The following CACNA2D1 variants were observed in gnomAD, a reference collection of about 807,000 sequenced individuals.
CACNA2D1 encodes calcium voltage-gated channel auxiliary subunit alpha2delta 1.
CACNA2D1 carries 53 observed loss-of-function variants against 171.5 expected under a neutral mutation model. The ratio of observed to expected loss-of-function variants is 0.31; its 90% CI spans 0.25 to 0.39. The LOEUF is 0.39. Among genes scored for constraint, CACNA2D1 ranks in the 10% least tolerant of loss-of-function variants. The probability of loss-of-function intolerance (pLI) is 1.00; values close to 1 mark genes in which losing one functional copy is unlikely to be tolerated. For synonymous variants in CACNA2D1, 442 were observed against 443.1 expected (o/e 1.00, Z 0.03); for missense variants, 903 against 1,299.8 (o/e 0.69, Z 4.69).
chr7:82,291,859 T>C (rs1811680127), intron 3 of CACNA2D1, among the ~76,000 whole-genome samples: 1 of 151,812 alleles, frequency 6.6e-6, no homozygotes, highest in African/African-American at 2.4e-5. Context: ...CTTCCATTTT[T>C]AAATATAACA....
chr7:82,260,115 G>A (rs901884810), intron 3 of CACNA2D1, among the ~76,000 whole-genome samples: 2 of 152,070 alleles, frequency 1.3e-5, no homozygotes, highest in Non-Finnish European at 2.9e-5. Flanking sequence ...CCAGCTTCTT[G>A]GGAGGCTGAG....
intron 1 of CACNA2D1, among the ~76,000 whole-genome samples, chr7:82,429,926 C>T (rs1829529329): frequency 6.6e-6 from 1 of 152,136 alleles, no homozygotes; most frequent in African/African-American, 2.4e-5. Flanking sequence ...GTCTGCACAG[C>T]CTCCATTGTG....
intron 3 of CACNA2D1, among the ~76,000 whole-genome samples, chr7:82,241,750 T>C (rs1804323455): frequency 6.6e-6 from 1 of 152,266 alleles, no homozygotes; most frequent in East Asian, 1.9e-4. Flanking sequence ...CCCAGTCACA[T>C]ATATGTAATT....
At chr7:82,442,449 C>T (rs1422840647) in intron 1 of CACNA2D1, among the ~76,000 whole-genome samples, 1 of 152,080 alleles carries the variant, frequency 6.6e-6, no homozygotes, top group Non-Finnish European at 1.5e-5. Context: ...ATAGGCTATT[C>T]GGTGCATTAA....
intron 1 of CACNA2D1, among the ~76,000 whole-genome samples, chr7:82,438,659 G>A (rs770992271): frequency 1.3e-5 from 2 of 152,170 alleles, no homozygotes; most frequent in African/African-American, 4.8e-5. Flanking sequence ...TGAAAGCCTT[G>A]GGAACAGTCG....
chr7:82,374,280 C>A (rs898728337), intron 1 of CACNA2D1, among the ~76,000 whole-genome samples: 6 of 152,232 alleles, frequency 3.9e-5, no homozygotes, highest in African/African-American at 1.4e-4. Flanking sequence ...CCTCCTCCAA[C>A]TTGACACCTA....
At chr7:82,437,973 C>T (rs1830228511) in intron 1 of CACNA2D1, among the ~76,000 whole-genome samples, 1 of 152,102 alleles carries the variant, frequency 6.6e-6, no homozygotes, top group Non-Finnish European at 1.5e-5. Flanking sequence ...ATGTAAAGAA[C>T]TTTTAATAGG....
At chr7:82,004,373 G>A (rs1219908581) in intron 18 of CACNA2D1, among the ~76,000 whole-genome samples, 1 of 151,714 alleles carries the variant, frequency 6.6e-6, no homozygotes. Flanking sequence ...ATTATGTGAT[G>A]AATTTGATAT....
chr7:82,062,729 CTTTTTTTTTTT>C (rs71520797), intron 9 of CACNA2D1, among the ~76,000 whole-genome samples: 7 of 52,172 alleles, frequency 1.3e-4, no homozygotes, highest in Admixed American at 5.3e-4. Flanking sequence ...GGTATATCTC[CTTTTTTTTTTT>C]TTTTTTTTTT....
intron 6 of CACNA2D1, among the ~76,000 whole-genome samples, chr7:82,104,691 A>G (rs1813100610): frequency 6.6e-6 from 1 of 152,048 alleles, no homozygotes; most frequent in African/African-American, 2.4e-5. Flanking sequence ...GGAATCTTCA[A>G]AAGCAACCCA....
At position 82,239,905 on chromosome 7, in the gene CACNA2D1, C is replaced by T. The variant is rs554510606; in HGVS notation, c.295-69296G>A. Among the ~76,000 whole-genome samples, 13 of 152,230 alleles carry T rather than the reference C, an allele frequency of 8.5e-5. No homozygotes were observed. The South Asian group carries it at 2.5e-3, about 29-fold the overall frequency. ...ATGGGACTCGTTTTCAGGTTTTCTA[C>T]ACATTTATGAGATCTCAGCTTATAA... is the stretch of plus-strand genomic sequence containing the variant. On this transcript the variant is annotated intron_variant, in intron 3 of 38. Coordinates refer to ENST00000356860, the MANE Select transcript of CACNA2D1 (RefSeq NM_000722.4).
intron 3 of CACNA2D1, among the ~76,000 whole-genome samples, chr7:82,262,882 C>T (rs539918769): frequency 1.9e-3 from 288 of 152,144 alleles, no homozygotes; most frequent in African/African-American, 6.2e-3. Flanking sequence ...TGCTCCATAC[C>T]CAGGAGTAAG....
intron 10 of CACNA2D1, among the ~76,000 whole-genome samples, chr7:82,039,873 T>C (rs1490587786): frequency 1.3e-5 from 2 of 152,076 alleles, no homozygotes; most frequent in Admixed American, 6.5e-5. Context: ...ACAAAAGACA[T>C]AAAATGAGTT....
chr7:82,070,264 A>G (rs1808168721), intron 7 of CACNA2D1, among the ~76,000 whole-genome samples: 1 of 152,218 alleles, frequency 6.6e-6, no homozygotes, highest in Non-Finnish European at 1.5e-5. Flanking sequence ...GAAAGCAAAT[A>G]GCTGGCCTTT....
chr7:82,055,375 A>G (rs2131339563), intron 10 of CACNA2D1, among the ~76,000 whole-genome samples: 1 of 152,258 alleles, frequency 6.6e-6, no homozygotes, highest in South Asian at 2.1e-4. Flanking sequence ...GACAACAAAA[A>G]GGCCAAGTAC....
At chr7:82,267,763 G>A (rs1808059742) in intron 3 of CACNA2D1, among the ~76,000 whole-genome samples, 1 of 152,184 alleles carries the variant, frequency 6.6e-6, no homozygotes, top group South Asian at 2.1e-4. Context: ...GGGAGGCCGA[G>A]GTGGGCGGAT....
At chr7:82,341,910 C>G (rs922449061) in intron 2 of CACNA2D1, among the ~76,000 whole-genome samples, 3 of 151,282 alleles carry the variant, frequency 2.0e-5, no homozygotes, top group Non-Finnish European at 4.4e-5. Context: ...AAAAATTAGC[C>G]AGGCGTGGTG....
intron 3 of CACNA2D1, among the ~76,000 whole-genome samples, chr7:82,276,799 A>C (rs1809399198): frequency 7.1e-6 from 1 of 141,690 alleles, no homozygotes; most frequent in Non-Finnish European, 1.5e-5. Context: ...GCCAGGCTTT[A>C]GTGCAGTGGT....
At chr7:82,132,533 C>A (rs546905801) in intron 5 of CACNA2D1, among the ~76,000 whole-genome samples, 2 of 152,160 alleles carry the variant, frequency 1.3e-5, no homozygotes, top group African/African-American at 2.4e-5. Context: ...AGGCAAAGGG[C>A]ATGTCTCCCA....
Sources: gnomAD v4.1 joint callset for allele counts (sites outside exome capture counted in the v4.1 genomes callset) on GRCh38, gnomAD v4.1.1 for gene constraint, MANE v1.5 for transcripts, NCBI Gene and HGNC (gene_info 2026-07-23, HGNC 2026-07-21) for gene names.